The following PACS1 variants were observed in gnomAD, a reference collection of about 807,000 sequenced individuals.
PACS1 encodes phosphofurin acidic cluster sorting protein 1.
A neutral mutation model predicts 115.0 loss-of-function variants in PACS1; 24 were observed. That is an observed-to-expected ratio of 0.21 (90% CI 0.15 to 0.29). The LOEUF (loss-of-function observed/expected upper bound fraction) is 0.29. Among genes scored for constraint, PACS1 ranks in the 10% least tolerant of loss-of-function variants. PACS1 has a pLI of 1.00. For synonymous variants in PACS1, 453 were observed against 504.5 expected (o/e 0.90, Z 1.37); for missense variants, 838 against 1,251.2 (o/e 0.67, Z 4.98).
intron 1 of PACS1, among the ~76,000 whole-genome samples, chr11:66,082,573 C>A (rs887102246): frequency 6.6e-6 from 1 of 152,076 alleles, no homozygotes; most frequent in Admixed American, 6.6e-5. Context: ...AAAATGTTTG[C>A]GCATCAGGCC....
intron 10 of PACS1, among the ~76,000 whole-genome samples, chr11:66,225,387 A>G (rs191285745): frequency 6.6e-6 from 1 of 152,340 alleles, no homozygotes; most frequent in East Asian, 1.9e-4. Flanking sequence ...TTTAGTGTTT[A>G]TAGAAGCAGG....
intron 2 of PACS1, among the ~76,000 whole-genome samples, chr11:66,203,634 T>C: frequency 6.6e-6 from 1 of 152,200 alleles, no homozygotes; most frequent in Non-Finnish European, 1.5e-5. Flanking sequence ...CAAAACAGCA[T>C]GGTGCTGGCA....
intron 1 of PACS1, among the ~76,000 whole-genome samples, chr11:66,125,403 T>G (rs923801212): frequency 3.3e-5 from 5 of 152,242 alleles, no homozygotes; most frequent in Admixed American, 3.3e-4. Flanking sequence ...TTGAAATATT[T>G]TGAGCCACTG....
intron 1 of PACS1, among the ~76,000 whole-genome samples, chr11:66,124,515 G>A (rs1267196043): frequency 6.6e-6 from 1 of 152,194 alleles, no homozygotes; most frequent in East Asian, 1.9e-4. Context: ...CTGGGTCCAC[G>A]TTTATGTATT....
At chr11:66,142,753 ACT>A (rs1859026213) in intron 1 of PACS1, among the ~76,000 whole-genome samples, 1 of 151,868 alleles carries the variant, frequency 6.6e-6, no homozygotes, top group East Asian at 1.9e-4. Flanking sequence ...CAATGTCTCT[ACT>A]AAGAGAAAAA....
intron 1 of PACS1, among the ~76,000 whole-genome samples, chr11:66,190,636 C>T (rs1322074555): frequency 6.6e-6 from 1 of 152,190 alleles, no homozygotes; most frequent in Non-Finnish European, 1.5e-5. Flanking sequence ...AGTCCTCCCA[C>T]CTCAGCCTCC....
intron 8 of PACS1, 154 bp from the exon 9 acceptor site, chr11:66,220,477 A>G (rs1189565154): frequency 4.3e-6 from 3 of 694,290 alleles, no homozygotes; most frequent in Non-Finnish European, 7.3e-6. Context: ...AGGCTGGATC[A>G]TGGAAATGAC....
Position 66,070,951 on chromosome 11 carries a change from G to A in PACS1, c.356+109G>A. The A allele has an allele frequency of 8.8e-7, 1 of 1,137,270 alleles. No individual in the cohort carries two copies. The highest frequency in any genetic ancestry group is 1.1e-6 in the Non-Finnish European group (1 of 871,782). The allele number at this position is 1,137,270 out of a possible 1,614,324, so 70.4% of individuals were successfully genotyped here. A position where few individuals can be genotyped will look rare whatever the true frequency, so the allele number is the denominator to read the frequency against. ...GTCCCCGCCCTCCATCTCCCCGACT[G>A]TCCCGCGGCCCGGCCTGGCTCCAGC... On this transcript the variant is annotated intron_variant, in intron 1 of 23. Transcript: ENST00000320580. This position sits in a 1 kb window ranked among gnomAD's most constrained non-coding sequence, Gnocchi z 5.9.
At chr11:66,188,562 G>A (rs1440438947) in intron 1 of PACS1, among the ~76,000 whole-genome samples, 2 of 152,126 alleles carry the variant, frequency 1.3e-5, no homozygotes, top group Admixed American at 6.5e-5. Context: ...ATTTTCTGCT[G>A]TAGAAAAACC....
At chr11:66,232,074 C>A (rs1033485865) in intron 13 of PACS1, 98 bp from the exon 14 acceptor site, 5 of 731,630 alleles carry the variant, frequency 6.8e-6, no homozygotes, top group Non-Finnish European at 1.2e-5. Context: ...CTCTCTAACA[C>A]CCCTGCTCCA....
intron 21 of PACS1, among the ~76,000 whole-genome samples, chr11:66,239,622 A>G (rs1855772724): frequency 6.6e-6 from 1 of 152,236 alleles, no homozygotes; most frequent in Non-Finnish European, 1.5e-5. Context: ...ATTGGGTTGA[A>G]TGAGACAATG....
intron 1 of PACS1, among the ~76,000 whole-genome samples, chr11:66,121,597 T>TA (rs1858443194): frequency 6.6e-6 from 1 of 152,120 alleles, no homozygotes; most frequent in Non-Finnish European, 1.5e-5. Flanking sequence ...TGAAGGAAAT[T>TA]AAAAGTGCTA....
intron 1 of PACS1, among the ~76,000 whole-genome samples, chr11:66,143,742 C>T (rs938334354): frequency 3.9e-5 from 6 of 152,102 alleles, no homozygotes; most frequent in African/African-American, 4.8e-5. Context: ...TGGGTTCAGG[C>T]GATCTTCATG....
At chr11:66,216,634 A>G (rs1444434705) in intron 6 of PACS1, 23 bp downstream of exon 6, 2 of 1,610,594 alleles carry the variant, frequency 1.2e-6, no homozygotes, top group Admixed American at 1.7e-5. Flanking sequence ...GGTCCCTCAC[A>G]TGGCGTGTCC....
intron 1 of PACS1, among the ~76,000 whole-genome samples, chr11:66,176,536 C>T (rs1485497286): frequency 1.3e-5 from 2 of 151,900 alleles, no homozygotes; most frequent in Non-Finnish European, 2.9e-5. Context: ...GCCTCAGCCT[C>T]CCGAATAGCT....
At chr11:66,164,619 AT>A (rs1333937163) in intron 1 of PACS1, among the ~76,000 whole-genome samples, 13 of 94,904 alleles carry the variant, frequency 1.4e-4, no homozygotes, top group African/African-American at 3.4e-4. Flanking sequence ...ATATATATGT[AT>A]TTTTTTTTTG....
chr11:66,134,949 G>A (rs887804203), intron 1 of PACS1, among the ~76,000 whole-genome samples: 3 of 152,032 alleles, frequency 2.0e-5, no homozygotes, highest in Admixed American at 6.6e-5. Context: ...AGTGGCTCAC[G>A]CCTGTAATCC....
intron 1 of PACS1, among the ~76,000 whole-genome samples, chr11:66,152,387 C>T (rs770970639): frequency 9.9e-5 from 15 of 152,018 alleles, no homozygotes; most frequent in African/African-American, 1.7e-4. Flanking sequence ...ACTTGTAGGA[C>T]GATATCAGGT....
chr11:66,221,045 G>A, intron 9 of PACS1, 109 bp from the exon 10 acceptor site: 1 of 1,083,316 alleles, frequency 9.2e-7, no homozygotes, highest in Non-Finnish European at 1.4e-6. Context: ...CGGGCGTTCT[G>A]GACACCTGTA....
Sources: allele counts gnomAD v4.1 joint callset (sites outside exome capture counted in the v4.1 genomes callset), GRCh38; gene constraint gnomAD v4.1.1; non-coding constraint Gnocchi (gnomAD v3.1); transcripts MANE v1.5; gene names NCBI Gene and HGNC (gene_info 2026-07-23, HGNC 2026-07-21).